Variants in ADGRL2 observed in about 807,000 individuals in gnomAD.
The protein encoded by ADGRL2 is calcium-independent alpha-latrotoxin receptor 2.
A neutral mutation model predicts 157.4 loss-of-function variants in ADGRL2; 44 were observed. That is an observed-to-expected ratio of 0.28 (90% CI 0.22 to 0.36). The LOEUF (loss-of-function observed/expected upper bound fraction) is 0.36, where lower values mean the gene tolerates loss of function less well. Ranked by LOEUF, ADGRL2 falls within the 10% of genes least tolerant of loss-of-function variation. The probability of loss-of-function intolerance (pLI) is 1.00; values close to 1 mark genes in which losing one functional copy is unlikely to be tolerated. For synonymous variants in ADGRL2, 585 were observed against 624.7 expected, an observed-to-expected ratio of 0.94 and a Z score of 0.95; for missense variants, 1,510 against 1,768.9, an observed-to-expected ratio of 0.85 and a Z score of 2.63.
chr1:81,836,887 A>G lies in ADGRL2; in HGVS notation c.-98A>G. 1.5e-6 allele frequency: 1 copy of G among 678,778 alleles called. No individual in the cohort carries two copies. The highest frequency in any genetic ancestry group is 2.5e-6 in the Non-Finnish European group (1 of 392,254). 42.0% of individuals were successfully genotyped at this position (678,778 alleles called of 1,614,324 possible). On this transcript the variant is annotated splice_region_variant and 5_prime_UTR_variant, in exon 2 of 24. It adds an upstream start codon to the 5' untranslated region. Transcript: ENST00000686636. Reference sequence around the variant, plus strand: ...TGATGGATTTGTTTGTTTTTCAGATATGAAGATCAATGATGCAGACTGATG... The same window carrying G: ...TGATGGATTTGTTTGTTTTTCAGATGTGAAGATCAATGATGCAGACTGATG...
chr1:81,724,655 T>C (rs1212841780), intron 1 of ADGRL2, among the ~76,000 whole-genome samples: 2 of 152,244 alleles, frequency 1.3e-5, no homozygotes, highest in Non-Finnish European at 2.9e-5. Flanking sequence ...TTTCTAACAA[T>C]GTTTCAATTT....
chr1:81,753,120 T>G (rs2085542679), intron 1 of ADGRL2, among the ~76,000 whole-genome samples: 2 of 152,204 alleles, frequency 1.3e-5, no homozygotes, highest in Non-Finnish European at 2.9e-5. Flanking sequence ...TCTAGGTGTG[T>G]GTATTTGTCC....
At chr1:81,806,763 C>T (rs1039929213) in intron 1 of ADGRL2, among the ~76,000 whole-genome samples, 12 of 151,926 alleles carry the variant, frequency 7.9e-5, no homozygotes, top group African/African-American at 2.7e-4. Flanking sequence ...ACAATCCATA[C>T]CGCTTGCCCA....
At chr1:81,990,052 T>G (rs1215816313) in intron 23 of ADGRL2, 10 of 984,906 alleles carry the variant, frequency 1.0e-5, no homozygotes, top group Non-Finnish European at 1.2e-5. Flanking sequence ...ATGAATTGCT[T>G]TGCATTAACT....
intron 2 of ADGRL2, among the ~76,000 whole-genome samples, chr1:81,862,301 C>G (rs1037586855): frequency 6.6e-6 from 1 of 151,838 alleles, no homozygotes; most frequent in Non-Finnish European, 1.5e-5. Context: ...GTAAATTTCC[C>G]AGAAAAAGAA....
chr1:81,761,585 A>C (rs1358538173), intron 1 of ADGRL2, among the ~76,000 whole-genome samples: 1 of 152,028 alleles, frequency 6.6e-6, no homozygotes, highest in East Asian at 1.9e-4. Flanking sequence ...GGAAAACAAA[A>C]TAGTTTATTC....
chr1:81,580,666 A>G (rs1208317192), intron 2 of ADGRL2, among the ~76,000 whole-genome samples: 1 of 152,166 alleles, frequency 6.6e-6, no homozygotes, highest in Non-Finnish European at 1.5e-5. Context: ...GTTATCCAGC[A>G]TTGTTGATTT....
intron 2 of ADGRL2, among the ~76,000 whole-genome samples, chr1:81,893,480 A>G (rs1029565696): frequency 6.6e-6 from 1 of 152,182 alleles, no homozygotes; most frequent in Admixed American, 6.6e-5. Context: ...CATGGCAACA[A>G]TGGCTCTCAA....
intron 1 of ADGRL2, among the ~76,000 whole-genome samples, chr1:81,332,984 AC>A (rs2100707127): frequency 6.6e-6 from 1 of 152,304 alleles, no homozygotes; most frequent in South Asian, 2.1e-4. Flanking sequence ...AAGTTCAGCG[AC>A]CTGGGAATTA....
intron 1 of ADGRL2, among the ~76,000 whole-genome samples, chr1:81,360,737 G>A (rs899288788): frequency 2.0e-5 from 3 of 151,680 alleles, no homozygotes; most frequent in African/African-American, 7.3e-5. Flanking sequence ...AGGAAAGAAG[G>A]AAGGAGGGAA....
In ADGRL2 at chr1:81,834,901, A is replaced by G. The variant is rs998621886; in HGVS notation, c.-100-1984A>G. ...AGAATACACTGAATTTTTAGTATAT[A>G]AAAATTTTCATAAGATATTCTTTCC... On this transcript the variant is annotated intron_variant, in intron 1 of 23. Coordinates refer to ENST00000686636, the MANE Select transcript of ADGRL2 (RefSeq NM_001366006.2). Among the ~76,000 whole-genome samples, 8 of 152,286 alleles carry G rather than the reference A, an allele frequency of 5.3e-5. No homozygotes were observed. In the East Asian group the frequency reaches 1.4e-3, roughly 26 times the overall value.
intron 3 of ADGRL2, among the ~76,000 whole-genome samples, chr1:81,687,839 T>C (rs1209621708): frequency 6.6e-6 from 1 of 152,210 alleles, no homozygotes; most frequent in Non-Finnish European, 1.5e-5. Flanking sequence ...AGAGCTCCTT[T>C]TAGCAGTTCT....
intron 1 of ADGRL2, among the ~76,000 whole-genome samples, chr1:81,432,479 T>A (rs34506456): frequency 0.085 from 13,004 of 152,308 alleles, 557 homozygotes; most frequent in Middle Eastern, 0.13. Context: ...TTGATTTTTT[T>A]ATGCAACACT....
chr1:81,802,192 C>T (rs897469954), intron 1 of ADGRL2, among the ~76,000 whole-genome samples: 7 of 151,938 alleles, frequency 4.6e-5, no homozygotes, highest in African/African-American at 1.4e-4. Flanking sequence ...GGCCCCCACG[C>T]CAGACGGCCC....
At chr1:81,507,815 C>T (rs1026769411) in intron 2 of ADGRL2, among the ~76,000 whole-genome samples, 6 of 152,164 alleles carry the variant, frequency 3.9e-5, no homozygotes, top group African/African-American at 1.4e-4. Context: ...TACCTAAGGA[C>T]ATATCCCATT....
At chr1:81,620,178 T>C (rs1462930438) in intron 3 of ADGRL2, among the ~76,000 whole-genome samples, 1 of 152,222 alleles carries the variant, frequency 6.6e-6, no homozygotes, top group East Asian at 1.9e-4. Context: ...ATAAACACTA[T>C]TGGTGGAACA....
At chr1:81,574,198 C>A (rs767371109) in intron 2 of ADGRL2, among the ~76,000 whole-genome samples, 3 of 123,002 alleles carry the variant, frequency 2.4e-5, no homozygotes, top group Admixed American at 2.2e-4. Flanking sequence ...ATCTAACATG[C>A]AGTGAATACT....
chr1:81,395,808 C>G (rs1039196765), intron 1 of ADGRL2, among the ~76,000 whole-genome samples: 30 of 152,148 alleles, frequency 2.0e-4, no homozygotes, highest in Admixed American at 6.5e-5. Context: ...TGACTTTTGT[C>G]TAATAAATGT....
At chr1:81,918,238 C>T (rs572233317) in intron 3 of ADGRL2, among the ~76,000 whole-genome samples, 1 of 152,232 alleles carries the variant, frequency 6.6e-6, no homozygotes, top group East Asian at 1.9e-4. Flanking sequence ...TACTTCCTTC[C>T]TGATCGTGAC....
Sources: gnomAD v4.1 joint callset for allele counts (sites outside exome capture counted in the v4.1 genomes callset) on GRCh38, gnomAD v4.1.1 for gene constraint, MANE v1.5 for transcripts, NCBI Gene and HGNC (gene_info 2026-07-23, HGNC 2026-07-21) for gene names.